PLCB1: variants seen among roughly 807,000 people sequenced by gnomAD.
PLCB1 encodes phospholipase C beta 1.
A neutral mutation model predicts 161.8 loss-of-function variants in PLCB1; 46 were observed. The ratio of observed to expected loss-of-function variants is 0.28; its 90% CI spans 0.22 to 0.36. PLCB1 has a LOEUF of 0.36. PLCB1 is among the 10% of genes least tolerant of loss of function. PLCB1 has a pLI of 1.00. For synonymous variants in PLCB1, 517 were observed against 503.7 expected (o/e 1.03, Z -0.35); for missense variants, 1,016 against 1,472.5 (o/e 0.69, Z 5.07).
At chr20:8,386,876 G>A (rs1987439465) in intron 3 of PLCB1, among the ~76,000 whole-genome samples, 1 of 152,194 alleles carries the variant, frequency 6.6e-6, no homozygotes, top group South Asian at 2.1e-4. Flanking sequence ...TTATGGAGAA[G>A]GCTTCTTTCT....
chr20:8,486,396 C>CT (rs1316019374), intron 3 of PLCB1, among the ~76,000 whole-genome samples: 2 of 150,998 alleles, frequency 1.3e-5, no homozygotes, highest in East Asian at 1.9e-4. Context: ...TTGGAAAAAG[C>CT]TTTTTTCAGA....
intron 3 of PLCB1, among the ~76,000 whole-genome samples, chr20:8,533,549 T>C (rs1477922420): frequency 1.3e-5 from 2 of 152,058 alleles, no homozygotes; most frequent in Non-Finnish European, 2.9e-5. Context: ...GTTTAATGAT[T>C]GCCATTCTAA....
At chr20:8,434,576 T>C (rs1404345021) in intron 3 of PLCB1, among the ~76,000 whole-genome samples, 1 of 152,356 alleles carries the variant, frequency 6.6e-6, no homozygotes, top group Non-Finnish European at 1.5e-5. Context: ...CTAATGTTTA[T>C]TGAGCAATTC....
At chr20:8,802,346 G>T in intron 31 of PLCB1, 1 of 527,362 alleles carries the variant, frequency 1.9e-6, no homozygotes, top group South Asian at 3.0e-5. Flanking sequence ...CATCCTTTCT[G>T]CCTTCCTCTG....
chr20:8,513,638 A>G (rs1029900849), intron 3 of PLCB1, among the ~76,000 whole-genome samples: 1 of 152,170 alleles, frequency 6.6e-6, no homozygotes, highest in African/African-American at 2.4e-5. Flanking sequence ...GAAATATGGT[A>G]GTGTTTTCTA....
At chr20:8,274,949 T>C (rs1014006403) in intron 2 of PLCB1, among the ~76,000 whole-genome samples, 1 of 152,138 alleles carries the variant, frequency 6.6e-6, no homozygotes, top group South Asian at 2.1e-4. Flanking sequence ...GACAAGGATA[T>C]TTTTCATAGT....
intron 2 of PLCB1, among the ~76,000 whole-genome samples, chr20:8,358,568 T>A (rs1468435279): frequency 6.6e-6 from 1 of 152,080 alleles, no homozygotes; most frequent in Admixed American, 6.5e-5. Context: ...CCCTGCCCCA[T>A]CTTGCTTCCT....
intron 3 of PLCB1, among the ~76,000 whole-genome samples, chr20:8,451,720 C>T (rs1981083287): frequency 6.6e-6 from 1 of 151,928 alleles, no homozygotes; most frequent in South Asian, 2.1e-4. Flanking sequence ...CCTTCGTTTC[C>T]TCCTTTTTCC....
intron 3 of PLCB1, among the ~76,000 whole-genome samples, chr20:8,459,153 CACTT>C (rs1011320665): frequency 9.1e-4 from 138 of 152,236 alleles, no homozygotes; most frequent in African/African-American, 2.9e-3. Flanking sequence ...AACCGAGAAA[CACTT>C]ACGCAGCTAA....
intron 31 of PLCB1, among the ~76,000 whole-genome samples, chr20:8,793,224 T>C (rs939468621): frequency 4.6e-5 from 7 of 152,166 alleles, no homozygotes; most frequent in Non-Finnish European, 8.8e-5. Flanking sequence ...CATCTAGAAC[T>C]TTATGAATGG....
At chr20:8,629,855 T>TTC (rs1290169884) in intron 4 of PLCB1, among the ~76,000 whole-genome samples, 1 of 99,990 alleles carries the variant, frequency 1.0e-5, no homozygotes, top group African/African-American at 4.3e-5. Flanking sequence ...CTTTCTTTCT[T>TTC]TCTTTCTTTC....
chr20:8,344,200 C>T (rs1388272706), intron 2 of PLCB1, among the ~76,000 whole-genome samples: 1 of 152,168 alleles, frequency 6.6e-6, no homozygotes, highest in African/African-American at 2.4e-5. Flanking sequence ...TCTGTAAATA[C>T]TTCAAGTGCA....
chr20:8,494,270 T>G (rs1251412515), intron 3 of PLCB1, among the ~76,000 whole-genome samples: 1 of 152,246 alleles, frequency 6.6e-6, no homozygotes. Context: ...TTGAAGTTTT[T>G]CACTTCTTTT....
At chr20:8,791,317 G>A (rs1568601178) in intron 31 of PLCB1, among the ~76,000 whole-genome samples, 2 of 151,536 alleles carry the variant, frequency 1.3e-5, no homozygotes, top group African/African-American at 4.8e-5. Flanking sequence ...CACCCTCTCA[G>A]GTTGATTATG....
intron 9 of PLCB1, among the ~76,000 whole-genome samples, chr20:8,668,711 G>C (rs1989874398): frequency 6.6e-6 from 1 of 152,146 alleles, no homozygotes; most frequent in African/African-American, 2.4e-5. Flanking sequence ...TAATTCTTAG[G>C]CCTTTCCAGC....
At chr20:8,236,648 A>C (rs1398836936) in intron 2 of PLCB1, among the ~76,000 whole-genome samples, 1 of 152,090 alleles carries the variant, frequency 6.6e-6, no homozygotes, top group Non-Finnish European at 1.5e-5. Flanking sequence ...ACTTGATAGC[A>C]CCATTATTTA....
chr20:8,694,908 A>G (rs1317438688), intron 10 of PLCB1, among the ~76,000 whole-genome samples: 1 of 152,200 alleles, frequency 6.6e-6, no homozygotes, highest in African/African-American at 2.4e-5. Flanking sequence ...TCCTTTAGCT[A>G]TAGTAGCTCC....
At chr20:8,592,277 G>A (rs1395368778) in intron 3 of PLCB1, among the ~76,000 whole-genome samples, 1 of 152,046 alleles carries the variant, frequency 6.6e-6, no homozygotes, top group Non-Finnish European at 1.5e-5. Context: ...CATTAATACA[G>A]TAAAAAAAAT....
At chr20:8,638,367 C>T (rs932594940) in intron 4 of PLCB1, among the ~76,000 whole-genome samples, 2 of 151,820 alleles carry the variant, frequency 1.3e-5, no homozygotes, top group Non-Finnish European at 2.9e-5. Flanking sequence ...GGAAAGGGCA[C>T]AAGTGATAGA....
Sources: gnomAD v4.1 joint callset for allele counts (sites outside exome capture counted in the v4.1 genomes callset) on GRCh38, gnomAD v4.1.1 for gene constraint, MANE v1.5 for transcripts, NCBI Gene and HGNC (gene_info 2026-07-23, HGNC 2026-07-21) for gene names.